NRG3: variants seen among roughly 807,000 people sequenced by gnomAD.
NRG3 encodes neuregulin 3, also known as pro-neuregulin-3, membrane-bound isoform.
A neutral mutation model predicts 66.9 loss-of-function variants in NRG3; 31 were observed. The ratio of observed to expected loss-of-function variants is 0.46; its 90% CI spans 0.35 to 0.63. NRG3 has a LOEUF of 0.63. Ranked by LOEUF, NRG3 falls within the 20% of genes least tolerant of loss-of-function variation. The probability of loss-of-function intolerance (pLI) is 0.00; values close to 1 mark genes in which losing one functional copy is unlikely to be tolerated. For missense variants in NRG3, 910 were observed against 878.9 expected (o/e 1.04, Z -0.45); for synonymous variants, 393 against 359.4 (o/e 1.09, Z -1.06).
At chr10:82,468,833 A>G (rs976390509) in intron 2 of NRG3, among the ~76,000 whole-genome samples, 9 of 152,004 alleles carry the variant, frequency 5.9e-5, no homozygotes, top group African/African-American at 2.2e-4. Flanking sequence ...GGGGAGTGAT[A>G]TTGAGAGGAG....
chr10:82,388,208 T>C (rs2086131548), intron 2 of NRG3, among the ~76,000 whole-genome samples: 1 of 152,144 alleles, frequency 6.6e-6, no homozygotes, highest in Admixed American at 6.5e-5. Flanking sequence ...GGGACTCTCA[T>C]GTGGGATATA....
At chr10:82,468,209 C>A (rs1840871431) in intron 2 of NRG3, among the ~76,000 whole-genome samples, 2 of 152,220 alleles carry the variant, frequency 1.3e-5, no homozygotes, top group South Asian at 4.1e-4. Flanking sequence ...AAAGCTCAAC[C>A]TCCCTCCACC....
chr10:82,183,190 C>A (rs775886976), intron 1 of NRG3, among the ~76,000 whole-genome samples: 1 of 151,884 alleles, frequency 6.6e-6, no homozygotes, highest in Non-Finnish European at 1.5e-5. Flanking sequence ...TTGTTTCTGT[C>A]CAGTAATTTT....
intron 1 of NRG3, among the ~76,000 whole-genome samples, chr10:81,912,382 T>C (rs933570535): frequency 2.0e-5 from 3 of 152,034 alleles, no homozygotes; most frequent in Non-Finnish European, 4.4e-5. Flanking sequence ...ACACCAAACC[T>C]GGTAGATTTT....
intron 3 of NRG3, among the ~76,000 whole-genome samples, chr10:82,858,470 A>G (rs2063930326): frequency 1.3e-5 from 2 of 152,148 alleles, no homozygotes; most frequent in Admixed American, 6.5e-5. Context: ...TGAGACAATT[A>G]TATTTCTTTA....
chr10:81,890,178 A>C (rs535846628), intron 1 of NRG3, among the ~76,000 whole-genome samples: 4 of 152,152 alleles, frequency 2.6e-5, no homozygotes, highest in African/African-American at 7.2e-5. Flanking sequence ...GGCTTTCTGC[A>C]TCTGAACTCT....
rs1564698900 is a variant in NRG3 at position 82,986,126 on chromosome 10, ACT to A, written c.*524_*525del. The A allele has an allele frequency of 6.5e-6, 1 of 153,348 alleles. No homozygotes were observed. Among genetic ancestry groups the A allele is most frequent in the Non-Finnish European group, 1.5e-5 (1 of 68,918 alleles). The allele number at this position is 153,348 out of a possible 1,614,324, so 9.5% of individuals were successfully genotyped here. ...TGATTTTTGGAGAATGCCACAAAAG[ACT>A]CTGCAATGGGAAGGAGGACAGGAGA... is the stretch of plus-strand genomic sequence containing the variant. On this transcript the variant is annotated 3_prime_UTR_variant, in exon 9 of 9. Coordinates refer to ENST00000372141, the MANE Select transcript of NRG3 (RefSeq NM_001010848.4).
At chr10:82,549,099 A>G (rs945603016) in intron 2 of NRG3, among the ~76,000 whole-genome samples, 13 of 152,162 alleles carry the variant, frequency 8.5e-5, no homozygotes, top group African/African-American at 2.9e-4. Context: ...GTTGTAGATG[A>G]GTACAACTTG....
intron 1 of NRG3, among the ~76,000 whole-genome samples, chr10:81,891,909 T>C (rs558088074): frequency 1.3e-5 from 2 of 152,276 alleles, no homozygotes; most frequent in South Asian, 2.1e-4. Context: ...TTTTTTGAAT[T>C]ATGGTTTCTC....
chr10:82,568,219 T>C (rs545097124), intron 2 of NRG3, among the ~76,000 whole-genome samples: 11 of 151,746 alleles, frequency 7.2e-5, no homozygotes, highest in Non-Finnish European at 1.5e-4. Context: ...GGCAAAGTCA[T>C]GAAGGAGGAC....
chr10:82,148,313 C>T (rs1210455742), intron 1 of NRG3, among the ~76,000 whole-genome samples: 2 of 152,068 alleles, frequency 1.3e-5, no homozygotes, highest in Non-Finnish European at 2.9e-5. Flanking sequence ...GCCTGGGCAA[C>T]ATAGCAAGAC....
At chr10:82,389,201 A>T (rs1297093287) in intron 2 of NRG3, among the ~76,000 whole-genome samples, 1 of 152,230 alleles carries the variant, frequency 6.6e-6, no homozygotes, top group Non-Finnish European at 1.5e-5. Context: ...GCCACAGGTG[A>T]CAGAGCGAGA....
At chr10:82,058,499 G>T (rs7089157) in intron 1 of NRG3, among the ~76,000 whole-genome samples, 147,353 of 151,278 alleles carry the variant, frequency 0.97, 71,787 homozygotes, top group African/African-American at 0.99. Flanking sequence ...CCTTTTATGT[G>T]GTGCAGAATG....
intron 1 of NRG3, among the ~76,000 whole-genome samples, chr10:82,138,824 C>T (rs746763337): frequency 6.6e-6 from 1 of 152,096 alleles, no homozygotes; most frequent in Non-Finnish European, 1.5e-5. Flanking sequence ...GCTTGGGAGA[C>T]AGATGAAGAC....
intron 2 of NRG3, among the ~76,000 whole-genome samples, chr10:82,388,014 A>G (rs1248266586): frequency 2.6e-5 from 4 of 152,166 alleles, no homozygotes; most frequent in East Asian, 1.9e-4. Context: ...ATGAAGGGCA[A>G]TCTGTTTCTA....
intron 2 of NRG3, among the ~76,000 whole-genome samples, chr10:82,539,757 C>T (rs566960547): frequency 2.1e-4 from 32 of 152,106 alleles, no homozygotes; most frequent in Non-Finnish European, 3.8e-4. Flanking sequence ...CTCAGCCTCC[C>T]GAGTAGCTGG....
rs148570529 is a variant in NRG3, at chr10:82,071,958, T to C, written c.823+195795T>C. ...TGTTTACATGATTCAAAAGTCAAAA[T>C]TATTTTAAAAGTGCATACACACAGT... On this transcript the variant is annotated intron_variant, in intron 1 of 8. Coordinates refer to ENST00000372141, the MANE Select transcript of NRG3 (RefSeq NM_001010848.4). Among the ~76,000 whole-genome samples the C allele has an allele frequency of 4.2e-3, 635 of 152,330 alleles. 3 individuals carry two copies. Among genetic ancestry groups the C allele is most frequent in the African/African-American group, 0.015 (607 of 41,590 alleles).
At chr10:82,529,730 T>C (rs1368504443) in intron 2 of NRG3, among the ~76,000 whole-genome samples, 1 of 152,098 alleles carries the variant, frequency 6.6e-6, no homozygotes, top group African/African-American at 2.4e-5. Context: ...CTAAATCTGC[T>C]AAAGAAACAC....
At chr10:82,669,397 G>C (rs2053072747) in intron 2 of NRG3, among the ~76,000 whole-genome samples, 1 of 151,906 alleles carries the variant, frequency 6.6e-6, no homozygotes. Context: ...TTCTTGGGTT[G>C]GACACAGAAT....
Sources: allele counts gnomAD v4.1 joint callset (sites outside exome capture counted in the v4.1 genomes callset), GRCh38; gene constraint gnomAD v4.1.1; transcripts MANE v1.5; gene names NCBI Gene and HGNC (gene_info 2026-07-23, HGNC 2026-07-21).